The following PTPRT variants were observed in gnomAD, a reference collection of about 807,000 sequenced individuals.
PTPRT encodes the protein receptor-type tyrosine-protein phosphatase T.
A neutral mutation model predicts 176.8 loss-of-function variants in PTPRT; 56 were observed. That is an observed-to-expected ratio of 0.32 (90% confidence interval 0.26 to 0.40). The LOEUF is 0.40. Among genes scored for constraint, PTPRT ranks in the 10% least tolerant of loss-of-function variants. The pLI is 1.00. For synonymous variants in PTPRT, 783 were observed against 739.0 expected, an observed-to-expected ratio of 1.06 and a Z score of -0.96; for missense variants, 1,540 against 1,908.2, an observed-to-expected ratio of 0.81 and a Z score of 3.60.
intron 1 of PTPRT, among the ~76,000 whole-genome samples, chr20:43,064,425 A>G (rs1056856958): frequency 3.9e-5 from 6 of 152,234 alleles, no homozygotes; most frequent in African/African-American, 1.2e-4. Context: ...TGAGGTTGTT[A>G]TAAGAGTTAG....
intron 6 of PTPRT, among the ~76,000 whole-genome samples, chr20:42,755,764 A>T (rs939575318): frequency 6.6e-6 from 1 of 152,204 alleles, no homozygotes; most frequent in Non-Finnish European, 1.5e-5. Flanking sequence ...GAAAGAAAAA[A>T]ACAAGACACG....
intron 13 of PTPRT, among the ~76,000 whole-genome samples, chr20:42,278,073 C>CTATATA (rs777694770): frequency 1.0e-4 from 4 of 39,256 alleles, no homozygotes; most frequent in African/African-American, 1.6e-4. Flanking sequence ...TGTAAGTAGA[C>CTATATA]TATATATATA....
intron 2 of PTPRT, among the ~76,000 whole-genome samples, chr20:42,796,132 A>G (rs1450490091): frequency 6.6e-6 from 1 of 152,208 alleles, no homozygotes; most frequent in Non-Finnish European, 1.5e-5. Context: ...TACTCAAACC[A>G]ATTATTCCTT....
chr20:42,513,140 G>A (rs1450447469), intron 7 of PTPRT, among the ~76,000 whole-genome samples: 3 of 151,868 alleles, frequency 2.0e-5, no homozygotes, highest in Admixed American at 6.6e-5. Flanking sequence ...GATTACAGGC[G>A]TGAGCTACCA....
intron 27 of PTPRT, among the ~76,000 whole-genome samples, chr20:42,089,768 G>A (rs935136480): frequency 6.6e-6 from 1 of 152,286 alleles, no homozygotes. Context: ...GATCATCAGG[G>A]TCTCTCTGCA....
chr20:42,395,999 C>T (rs2058844868), intron 9 of PTPRT, among the ~76,000 whole-genome samples: 1 of 152,136 alleles, frequency 6.6e-6, no homozygotes, highest in Non-Finnish European at 1.5e-5. Context: ...GGCTGACTCC[C>T]CTGCTAACAT....
At chr20:42,356,177 GTATAA>G (rs1281701812) in intron 9 of PTPRT, among the ~76,000 whole-genome samples, 1 of 152,102 alleles carries the variant, frequency 6.6e-6, no homozygotes, top group Non-Finnish European at 1.5e-5. Context: ...GGCTGTAAAC[GTATAA>G]TATAATATGA....
chr20:42,686,000 A>G (rs901564640), intron 6 of PTPRT: 1 of 152,118 alleles, frequency 6.6e-6, no homozygotes, highest in African/African-American at 2.4e-5. Context: ...TTCCTCACCA[A>G]TAGTTCACTA....
chr20:42,275,898 G>A (rs1264063932), intron 13 of PTPRT, among the ~76,000 whole-genome samples: 1 of 152,150 alleles, frequency 6.6e-6, no homozygotes. Context: ...ATGGGACTCA[G>A]CTAAGGAAGA....
At chr20:42,132,588 T>C (rs1988171068) in intron 18 of PTPRT, among the ~76,000 whole-genome samples, 1 of 152,172 alleles carries the variant, frequency 6.6e-6, no homozygotes, top group Non-Finnish European at 1.5e-5. Flanking sequence ...ACATCATGTG[T>C]TATTAAGAAA....
intron 2 of PTPRT, among the ~76,000 whole-genome samples, chr20:42,845,834 T>A (rs955351122): frequency 6.6e-6 from 1 of 152,092 alleles, no homozygotes; most frequent in Non-Finnish European, 1.5e-5. Context: ...AGAGAAGAAC[T>A]GGGCAGGTAA....
At chr20:43,004,268 G>A (rs1347269683) in intron 1 of PTPRT, among the ~76,000 whole-genome samples, 1 of 149,294 alleles carries the variant, frequency 6.7e-6, no homozygotes, top group Non-Finnish European at 1.5e-5. Context: ...CAAATAAAAA[G>A]ACAATGGATG....
intron 6 of PTPRT, among the ~76,000 whole-genome samples, chr20:42,755,658 C>T (rs916887870): frequency 1.6e-4 from 25 of 152,030 alleles, no homozygotes; most frequent in African/African-American, 6.0e-4. Context: ...ACTCTACCCC[C>T]AGGGAATTTA....
intron 4 of PTPRT, among the ~76,000 whole-genome samples, chr20:42,774,483 C>T (rs966486004): frequency 9.9e-5 from 15 of 152,138 alleles, no homozygotes; most frequent in Admixed American, 4.6e-4. Context: ...CTGATTTCTC[C>T]AGGCCAGTAA....
chr20:42,507,645 TAAC>T (rs2071870835), intron 7 of PTPRT, among the ~76,000 whole-genome samples: 1 of 152,164 alleles, frequency 6.6e-6, no homozygotes, highest in South Asian at 2.1e-4. Flanking sequence ...GGTTGAGTCT[TAAC>T]AAATATTAGT....
chr20:42,446,945 T>C (rs2070744613), intron 9 of PTPRT, among the ~76,000 whole-genome samples: 1 of 152,184 alleles, frequency 6.6e-6, no homozygotes, highest in African/African-American at 2.4e-5. Context: ...TGAGGAATGC[T>C]AGTTTTAGTG....
At chr20:42,674,922 T>C (rs1187090729) in intron 7 of PTPRT, among the ~76,000 whole-genome samples, 1 of 146,728 alleles carries the variant, frequency 6.8e-6, no homozygotes, top group Non-Finnish European at 1.5e-5. Context: ...CCAATTAATA[T>C]ATGAAAGGGC....
chr20:42,226,263 C>T (rs2146812637), intron 15 of PTPRT, among the ~76,000 whole-genome samples: 1 of 152,304 alleles, frequency 6.6e-6, no homozygotes, highest in Non-Finnish European at 1.5e-5. Context: ...GTCATTTAAA[C>T]ATCAGAGCTA....
chr20:42,049,111 C>T, the PTPRT span, among the ~76,000 whole-genome samples: 2 of 152,222 alleles, frequency 1.3e-5, no homozygotes, highest in Non-Finnish European at 2.9e-5. Flanking sequence ...CATACCACTG[C>T]CACTAAGTTT....
Sources: gnomAD v4.1 joint callset for allele counts (sites outside exome capture counted in the v4.1 genomes callset) on GRCh38, gnomAD v4.1.1 for gene constraint, MANE v1.5 for transcripts, NCBI Gene and HGNC (gene_info 2026-07-23, HGNC 2026-07-21) for gene names.